Variants in GPC3 observed in about 807,000 individuals in gnomAD.
GPC3 encodes glypican 3.
A neutral mutation model predicts 34.4 loss-of-function variants in GPC3; 3 were observed. That is an observed-to-expected ratio of 0.09 (90% CI 0.04 to 0.23). The LOEUF (loss-of-function observed/expected upper bound fraction) is 0.23. Among genes scored for constraint, GPC3 ranks in the 10% least tolerant of loss-of-function variants. The probability of loss-of-function intolerance (pLI) is 1.00; values close to 1 mark genes in which losing one functional copy is unlikely to be tolerated. For synonymous variants in GPC3, 177 were observed against 174.0 expected (o/e 1.02, Z -0.13); for missense variants, 351 against 445.6 (o/e 0.79, Z 1.91).
At chrX:133,689,240 G>A (rs192360042) in intron 5 of GPC3, among the ~76,000 whole-genome samples, 17 of 110,895 alleles carry the variant, frequency 1.5e-4, no homozygotes, top group Admixed American at 9.6e-4. Flanking sequence ...TAGGAGTTTG[G>A]AATATTAGCT....
rs187618353 is a variant in GPC3, at chrX:133,619,023, G to A, written c.1414-22424C>T. On this transcript the variant is annotated intron_variant, in intron 6 of 7. Transcript: ENST00000370818. Reference sequence around the variant, plus strand: ...CAAATACCCAATTTAAAAAAAAATGGACAAAGGATCTGAATAAACATTTCT... The same window carrying A: ...CAAATACCCAATTTAAAAAAAAATGAACAAAGGATCTGAATAAACATTTCT... 1.8e-3 allele frequency among the ~76,000 whole-genome samples: 202 copies of A among 110,968 alleles called. 1 individual carries two copies. Among genetic ancestry groups the A allele is most frequent in the African/African-American group, 6.3e-3 (194 of 30,610 alleles).
intron 3 of GPC3, among the ~76,000 whole-genome samples, chrX:133,705,661 C>T (rs2071209154): frequency 8.9e-6 from 1 of 112,291 alleles, no homozygotes; most frequent in Non-Finnish European, 1.9e-5. Context: ...CAGGCATAGG[C>T]TCTGGGGCTT....
rs757481669 is a variant in GPC3 at position 133,722,018 on chromosome X, C to T, written c.1033-21990G>A. On this transcript the variant is annotated intron_variant, in intron 3 of 7. Transcript: ENST00000370818. ...AGACAACCTACAGAATGAGAGATAA[C>T]GTTCTCAAATCATATATCTAATAAG... 1.5e-4 allele frequency among the ~76,000 whole-genome samples: 17 copies of T among 110,706 alleles called. No homozygotes were observed. In the East Asian group the frequency reaches 1.7e-3, roughly 11 times the overall value.
At chrX:133,854,324 G>T (rs1184935915) in intron 2 of GPC3, among the ~76,000 whole-genome samples, 1 of 112,099 alleles carries the variant, frequency 8.9e-6, no homozygotes, top group Non-Finnish European at 1.9e-5. Flanking sequence ...CACATGAAGA[G>T]ATTTCAAAAG....
In GPC3 at chrX:133,873,093, T is replaced by C. The variant is rs755900872; in HGVS notation, c.337+79957A>G. Among the ~76,000 whole-genome samples the C allele has an allele frequency of 3.6e-5, 4 of 112,333 alleles. No individual in the cohort carries two copies. The East Asian group carries it at 1.1e-3, about 31-fold the overall frequency. On this transcript the variant is annotated intron_variant, in intron 2 of 7. Coordinates refer to ENST00000370818, the MANE Select transcript of GPC3 (RefSeq NM_004484.4). ...GGCCGAATTTACTAAGAAGTTTTTA[T>C]ACCCTCATAAAGTAGCCCTAGTGAA...
chrX:133,890,847 C>T (rs1192018116), intron 2 of GPC3, among the ~76,000 whole-genome samples: 15 of 95,116 alleles, frequency 1.6e-4, no homozygotes, highest in Non-Finnish European at 2.1e-4. Context: ...ACAACAAGAG[C>T]GAAACTCCAT....
At chrX:133,549,947 C>T (rs1436431932) in intron 7 of GPC3, among the ~76,000 whole-genome samples, 1 of 105,702 alleles carries the variant, frequency 9.5e-6, no homozygotes, top group African/African-American at 3.5e-5. Context: ...TCTCTCCTTC[C>T]TCCCCCCTCT....
intron 2 of GPC3, among the ~76,000 whole-genome samples, chrX:133,791,638 T>C (rs2072160794): frequency 9.1e-6 from 1 of 110,497 alleles, no homozygotes; most frequent in Non-Finnish European, 1.9e-5. Flanking sequence ...TTGAGGTATG[T>C]CTCTCCCCTT....
intron 1 of GPC3, among the ~76,000 whole-genome samples, chrX:133,958,544 C>CA (rs761514189): frequency 0.12 from 4,931 of 40,348 alleles, 255 homozygotes; most frequent in Non-Finnish European, 0.17. Flanking sequence ...GACCCAGTCT[C>CA]AAAAAAAAAA....
At chrX:133,658,776 T>C (rs936569568) in intron 6 of GPC3, among the ~76,000 whole-genome samples, 2 of 111,947 alleles carry the variant, frequency 1.8e-5, no homozygotes, top group African/African-American at 6.5e-5. Flanking sequence ...CACATATTCA[T>C]GGCCAGAGGT....
intron 2 of GPC3, among the ~76,000 whole-genome samples, chrX:133,776,878 CTT>C (rs10633635): frequency 1.3e-5 from 1 of 79,630 alleles, no homozygotes; most frequent in Admixed American, 1.8e-4. Flanking sequence ...CCTTTCTTTT[CTT>C]TTTTTTTTTT....
At chrX:133,861,974 C>A (rs1307020749) in intron 2 of GPC3, among the ~76,000 whole-genome samples, 1 of 111,875 alleles carries the variant, frequency 8.9e-6, no homozygotes, top group East Asian at 2.8e-4. Flanking sequence ...CTAATATAAG[C>A]TCCTTAAACC....
Position 133,966,991 on chromosome X carries a change from C to T in GPC3, c.176-13780G>A, listed in dbSNP as rs760482939. 4.5e-5 allele frequency among the ~76,000 whole-genome samples: 5 copies of T among 111,819 alleles called. No homozygotes were observed. The South Asian group carries it at 1.9e-3, about 42-fold the overall frequency. On this transcript the variant is annotated intron_variant, in intron 1 of 7. Coordinates refer to ENST00000370818, the MANE Select transcript of GPC3 (RefSeq NM_004484.4). ...GTCTAGACTTGGTGGCAACCCTTTG[C>T]TGTGGAAGAGATTTAATGGAGGAGA...
intron 4 of GPC3, among the ~76,000 whole-genome samples, chrX:133,697,588 C>T (rs754722688): frequency 1.5e-4 from 17 of 112,021 alleles, no homozygotes; most frequent in Non-Finnish European, 2.6e-4. Flanking sequence ...ATTTGGCACT[C>T]ACCCCCCAAT....
chrX:133,746,957 C>T (rs2071618927), intron 3 of GPC3, among the ~76,000 whole-genome samples: 2 of 111,837 alleles, frequency 1.8e-5, no homozygotes, highest in Admixed American at 9.5e-5. Context: ...CAGTCACTCA[C>T]ACTGACAGCA....
intron 2 of GPC3, among the ~76,000 whole-genome samples, chrX:133,907,059 C>G (rs1051225374): frequency 9.2e-6 from 1 of 109,063 alleles, no homozygotes; most frequent in Non-Finnish European, 1.9e-5. Flanking sequence ...CGAGATCGCA[C>G]CACTGCACTC....
At chrX:133,637,009 A>C (rs371736245) in intron 6 of GPC3, among the ~76,000 whole-genome samples, 4 of 111,836 alleles carry the variant, frequency 3.6e-5, no homozygotes, top group African/African-American at 1.3e-4. Flanking sequence ...CCTGCCCAAC[A>C]CGCTGGGAAA....
intron 7 of GPC3, among the ~76,000 whole-genome samples, chrX:133,554,842 T>C (rs2124281248): frequency 8.9e-6 from 1 of 112,128 alleles, no homozygotes; most frequent in East Asian, 2.8e-4. Flanking sequence ...GCTCTTGCCA[T>C]TACTCCATTC....
intron 5 of GPC3, among the ~76,000 whole-genome samples, chrX:133,689,065 C>T (rs1603225696): frequency 9.0e-6 from 1 of 111,093 alleles, no homozygotes; most frequent in African/African-American, 3.3e-5. Context: ...GATTACACTA[C>T]CCTTATTCTC....
Sources: gnomAD v4.1 joint callset for allele counts (sites outside exome capture counted in the v4.1 genomes callset) on GRCh38, gnomAD v4.1.1 for gene constraint, MANE v1.5 for transcripts, NCBI Gene and HGNC (gene_info 2026-07-23, HGNC 2026-07-21) for gene names.